NT5DC1: variants seen among roughly 807,000 people sequenced by gnomAD.
The protein encoded by NT5DC1 is 5'-nucleotidase domain-containing protein 1.
A neutral mutation model predicts 59.4 loss-of-function variants in NT5DC1; 42 were observed. The ratio of observed to expected loss-of-function variants is 0.71; its 90% CI spans 0.55 to 0.92. NT5DC1 has a LOEUF of 0.92. Ranked by LOEUF, NT5DC1 falls within the 40% of genes least tolerant of loss-of-function variation. The pLI is 0.00. For synonymous variants in NT5DC1, 172 were observed against 188.1 expected (o/e 0.91, Z 0.70); for missense variants, 501 against 537.1 (o/e 0.93, Z 0.66).
intron 6 of NT5DC1, among the ~76,000 whole-genome samples, chr6:116,124,670 T>C (rs1443429436): frequency 6.6e-6 from 1 of 152,208 alleles, no homozygotes; most frequent in African/African-American, 2.4e-5. Flanking sequence ...CTCCTTATTT[T>C]ACAAATGAGG....
At chr6:116,224,747 G>A (rs992211938) in intron 8 of NT5DC1, among the ~76,000 whole-genome samples, 9 of 152,244 alleles carry the variant, frequency 5.9e-5, no homozygotes, top group African/African-American at 2.2e-4. Context: ...ACCCGCATAA[G>A]CGGTGGAAAG....
rs532786205 is a variant in NT5DC1, at chr6:116,184,103, T to C, written c.530-36951T>C. 2.0e-5 allele frequency among the ~76,000 whole-genome samples: 3 copies of C among 152,176 alleles called. No individual in the cohort carries two copies. In the East Asian group the frequency reaches 5.8e-4, roughly 29 times the overall value. ...ATGGCAGTTTTGCTGAGGGTTTTAA[T>C]CATAAAGAGATGCTGGATCTTGTCA... On this transcript the variant is annotated intron_variant, in intron 6 of 11. Coordinates refer to ENST00000319550, the MANE Select transcript of NT5DC1 (RefSeq NM_152729.3).
At chr6:116,123,990 A>G (rs3828742) in intron 6 of NT5DC1, among the ~76,000 whole-genome samples, 6,538 of 152,162 alleles carry the variant, frequency 0.043, 216 homozygotes, top group African/African-American at 0.084. Context: ...AGCATTTCAA[A>G]TTGTGTTTGT....
intron 6 of NT5DC1, among the ~76,000 whole-genome samples, chr6:116,130,587 C>G (rs536715014): frequency 9.9e-5 from 15 of 152,086 alleles, no homozygotes; most frequent in Non-Finnish European, 1.9e-4. Flanking sequence ...TGTCTGGGTC[C>G]TAGGGATGCA....
intron 6 of NT5DC1, among the ~76,000 whole-genome samples, chr6:116,193,475 C>T (rs1781162745): frequency 6.6e-6 from 1 of 152,020 alleles, no homozygotes; most frequent in Non-Finnish European, 1.5e-5. Flanking sequence ...TTGGCTAAAT[C>T]TCTGTTTCTC....
intron 7 of NT5DC1, among the ~76,000 whole-genome samples, chr6:116,221,978 T>TA (rs1468710607): frequency 1.3e-5 from 2 of 152,212 alleles, no homozygotes; most frequent in Non-Finnish European, 2.9e-5. Context: ...AGGTCTCCCC[T>TA]AATGTTTCCT....
Position 116,100,853 on chromosome 6 carries a change from C to A in NT5DC1, c.-78C>A. The A allele has an allele frequency of 3.5e-6, 4 of 1,148,906 alleles. No homozygotes were observed. The highest frequency in any genetic ancestry group is 4.9e-5 in the Admixed American group (2 of 40,916). The allele number at this position is 1,148,906 out of a possible 1,614,324, so 71.2% of individuals were successfully genotyped here. The stretch of plus-strand genomic sequence containing the variant: ...CCCGCCCCGCCGCGTCCGGCCCGGT[C>A]CTGTCCCGCAGCGTCCCGCCAGCCA... On this transcript the variant is annotated 5_prime_UTR_variant, in exon 1 of 12. Coordinates refer to ENST00000319550, the MANE Select transcript of NT5DC1 (RefSeq NM_152729.3).
intron 6 of NT5DC1, among the ~76,000 whole-genome samples, chr6:116,154,790 C>T (rs1562141808): frequency 6.6e-6 from 1 of 152,124 alleles, no homozygotes; most frequent in South Asian, 2.1e-4. Context: ...TTGTTTACGC[C>T]TCAGGATTAA....
At chr6:116,175,662 G>A (rs1780718274) in intron 6 of NT5DC1, among the ~76,000 whole-genome samples, 1 of 152,106 alleles carries the variant, frequency 6.6e-6, no homozygotes, top group Non-Finnish European at 1.5e-5. Flanking sequence ...ATTGACTACT[G>A]TTCAAGTTCA....
chr6:116,122,943 A>G (rs1473855371), intron 6 of NT5DC1, among the ~76,000 whole-genome samples: 2 of 152,224 alleles, frequency 1.3e-5, no homozygotes, highest in Admixed American at 6.5e-5. Flanking sequence ...AAATTTATGT[A>G]AAAGATTTCC....
chr6:116,225,206 A>T (rs1218290765), intron 8 of NT5DC1, among the ~76,000 whole-genome samples: 1 of 152,130 alleles, frequency 6.6e-6, no homozygotes, highest in Non-Finnish European at 1.5e-5. Context: ...TCAACATGTT[A>T]ATTTTGAGAT....
At chr6:116,113,269 G>C (rs981229041) in intron 4 of NT5DC1, among the ~76,000 whole-genome samples, 1 of 152,230 alleles carries the variant, frequency 6.6e-6, no homozygotes, top group African/African-American at 2.4e-5. Flanking sequence ...CACCTTTGCA[G>C]AAGTGAGAAC....
chr6:116,129,636 T>C (rs1779415077), intron 6 of NT5DC1, among the ~76,000 whole-genome samples: 1 of 152,192 alleles, frequency 6.6e-6, no homozygotes, highest in South Asian at 2.1e-4. Flanking sequence ...GCCATCCTCT[T>C]GGACTTCCTA....
intron 6 of NT5DC1, among the ~76,000 whole-genome samples, chr6:116,196,977 T>G (rs1300565224): frequency 1.3e-5 from 2 of 151,554 alleles, no homozygotes; most frequent in Non-Finnish European, 2.9e-5. Context: ...TCTGACCAGC[T>G]CTTTTTCCTT....
intron 4 of NT5DC1, among the ~76,000 whole-genome samples, chr6:116,115,155 A>G (rs1778941748): frequency 6.6e-6 from 1 of 152,232 alleles, no homozygotes. Flanking sequence ...TATACTCTAC[A>G]GTTTTTAAGC....
intron 6 of NT5DC1, among the ~76,000 whole-genome samples, chr6:116,132,291 T>C (rs924550142): frequency 1.3e-5 from 2 of 152,176 alleles, no homozygotes; most frequent in African/African-American, 4.8e-5. Context: ...AAAATTGGAA[T>C]CTCAGTCTAG....
At chr6:116,182,931 G>C (rs1181191356) in intron 6 of NT5DC1, among the ~76,000 whole-genome samples, 2 of 152,000 alleles carry the variant, frequency 1.3e-5, no homozygotes, top group Non-Finnish European at 2.9e-5. Flanking sequence ...TTGAGTTCTT[G>C]ATCATGAAGT....
intron 6 of NT5DC1, among the ~76,000 whole-genome samples, chr6:116,166,931 G>A (rs1748302457): frequency 6.6e-6 from 1 of 152,122 alleles, no homozygotes; most frequent in Non-Finnish European, 1.5e-5. Flanking sequence ...AGCCAAGGAA[G>A]TATCTTGCCT....
At chr6:116,102,002 A>G (rs1192003181) in intron 1 of NT5DC1, among the ~76,000 whole-genome samples, 1 of 152,202 alleles carries the variant, frequency 6.6e-6, no homozygotes, top group Non-Finnish European at 1.5e-5. Context: ...CAGTTTCCCC[A>G]TCTGTAAAAT....
Sources: gnomAD v4.1 joint callset for allele counts (sites outside exome capture counted in the v4.1 genomes callset) on GRCh38, gnomAD v4.1.1 for gene constraint, MANE v1.5 for transcripts, NCBI Gene and HGNC (gene_info 2026-07-23, HGNC 2026-07-21) for gene names.